Variants in ZNF721 observed in about 807,000 individuals in gnomAD.
The protein encoded by ZNF721 is zinc finger protein 721.
In ZNF721, 2 loss-of-function variants were observed where a neutral mutation model predicts 2.4. The observed-to-expected ratio is 0.82, with a 90% CI of 0.34 to 2.58. The LOEUF (loss-of-function observed/expected upper bound fraction) is 2.58, where lower values mean the gene tolerates loss of function less well. Ranked by LOEUF, ZNF721 falls within the 30% of genes most tolerant of loss-of-function variation. The pLI is 0.11. For synonymous variants in ZNF721, 398 were observed against 381.8 expected (o/e 1.04, Z -0.50); for missense variants, 1,187 against 1,085.5 (o/e 1.09, Z -1.31).
Position 494,331 on chromosome 4 carries a change from G to A in ZNF721, c.-94+4725C>T, listed in dbSNP as rs181019290. ...CGAGTAGCTGGGACTACAGGCGCCC[G>A]CCACCATGCCCATCTAATTTTTTTT... is the stretch of plus-strand genomic sequence containing the variant. On this transcript the variant is annotated intron_variant, in intron 1 of 2. Transcript: ENST00000511833. 7.3e-5 allele frequency among the ~76,000 whole-genome samples: 11 copies of A among 151,190 alleles called. No homozygotes were observed. In the East Asian group the frequency reaches 1.4e-3, roughly 19 times the overall value.
chr4:458,250 T>C (rs7665576), intron 2 of ZNF721, among the ~76,000 whole-genome samples: 26,859 of 152,188 alleles, frequency 0.18, 2,979 homozygotes, highest in Non-Finnish European at 0.23. Flanking sequence ...AGAAAATAGA[T>C]AGAATCCACA....
rs782103258 is a variant in ZNF721, at chr4:442,320, C to T, written c.2147G>A (p.Arg716Lys). 5.6e-6 allele frequency: 9 copies of T among 1,613,558 alleles called. No individual in the cohort carries two copies. Among genetic ancestry groups the T allele is most frequent in the Non-Finnish European group, 6.8e-6 (8 of 1,179,760 alleles). Reference protein sequence around the residue: ...FSRSRNLTTHRRVHTREKPYK... With the variant: ...FSRSRNLTTHKRVHTREKPYK... Reference sequence around the variant, plus strand: ...GGGTTTCTCCCTAGTGTGAACTCTCCTATGTGTAGTAAGGTTTCTTGACCT... The same window carrying T: ...GGGTTTCTCCCTAGTGTGAACTCTCTTATGTGTAGTAAGGTTTCTTGACCT... Residue 716 changes from arginine to lysine, a missense_variant, in exon 3 of 3, where the codon AGG becomes AAG. Transcript: ENST00000511833.
chr4:442,845 G>C lies in ZNF721; in HGVS notation c.1622C>G (p.Ser541Cys). ...CEVCGKAFRQSAILYVHRRIH... is the reference protein window; with the variant it reads ...CEVCGKAFRQCAILYVHRRIH... ...TCTCCTATGTACATAAAGGATTGCG[G>C]ACTGTCTAAAGGCTTTGCCACATAC... The change falls in exon 3 of 3, where the codon TCC becomes TGC. Residue 541 changes from serine (S) to cysteine (C), a missense_variant. Ser to Cys is a moderately radical substitution (Grantham distance 112, BLOSUM62 -1). Transcript: ENST00000511833. 6.2e-7 allele frequency: 1 copy of C among 1,613,810 alleles called. No homozygotes were observed. The highest frequency in any genetic ancestry group is 8.5e-7 in the Non-Finnish European group (1 of 1,179,922).
chr4:491,971 T>G (rs180816068), intron 1 of ZNF721, among the ~76,000 whole-genome samples: 6,342 of 151,446 alleles, frequency 0.042, 179 homozygotes, highest in African/African-American at 0.083. Context: ...TGGCTAACAC[T>G]GTGAAACCCC....
chr4:488,266 C>A (rs1715944113), intron 1 of ZNF721, among the ~76,000 whole-genome samples: 1 of 152,194 alleles, frequency 6.6e-6, no homozygotes, highest in African/African-American at 2.4e-5. Flanking sequence ...CTGGACAACT[C>A]ACACTCACGG....
intron 1 of ZNF721, among the ~76,000 whole-genome samples, chr4:481,884 C>T (rs1553869568): frequency 6.6e-6 from 1 of 152,150 alleles, no homozygotes; most frequent in South Asian, 2.1e-4. Context: ...GTAGTAGACA[C>T]GCATACGCTG....
intron 2 of ZNF721, among the ~76,000 whole-genome samples, chr4:449,928 CACAT>C (rs1714595809): frequency 1.3e-5 from 2 of 152,142 alleles, no homozygotes; most frequent in Non-Finnish European, 2.9e-5. Flanking sequence ...GAAAAGGAAA[CACAT>C]ACAGTCGGTA....
At position 465,082 on chromosome 4, in the gene ZNF721, T is replaced by TA. The variant is rs112910440; in HGVS notation, c.34+7492dup. Among the ~76,000 whole-genome samples the TA allele has an allele frequency of 9.5e-3, 1,310 of 138,042 alleles. 7 individuals carry two copies. The highest frequency in any genetic ancestry group is 0.025 in the East Asian group (121 of 4,788). 90.6% of individuals were successfully genotyped at this position (138,042 alleles called of 152,430 possible). A position where few individuals can be genotyped will look rare whatever the true frequency, so the allele number is the denominator to read the frequency against. ...CCTGGGTGATAGAGCAAGATTCCATTAAAAAAAAAAAAAACAGCAGCTGGG... is the reference window on the plus strand; with the variant it reads ...CCTGGGTGATAGAGCAAGATTCCATTAAAAAAAAAAAAAAACAGCAGCTGGG... On this transcript the variant is annotated intron_variant, in intron 2 of 2. Coordinates refer to ENST00000511833, the MANE Select transcript of ZNF721 (RefSeq NM_133474.4).
rs1330096741 is a variant in ZNF721 at position 487,016 on chromosome 4, G to A, written c.-94+12040C>T. On this transcript the variant is annotated intron_variant, in intron 1 of 2. Coordinates refer to ENST00000511833, the MANE Select transcript of ZNF721 (RefSeq NM_133474.4). ...TCTATGGAGGTGCATGGGCTTCAGA[G>A]TCAGGCCAACGTTGATCCTGAGTCC... 6.6e-4 allele frequency among the ~76,000 whole-genome samples: 98 copies of A among 149,054 alleles called. 1 individual carries two copies. Among genetic ancestry groups the A allele is most frequent in the Non-Finnish European group, 2.1e-4 (14 of 67,026 alleles).
Position 442,823 on chromosome 4 carries a change from C to G in ZNF721, c.1644G>C (p.Arg548Ser), listed in dbSNP as rs372077269. 3.5e-5 allele frequency: 57 copies of G among 1,613,738 alleles called. 1 individual carries two copies. The Middle Eastern group carries it at 6.6e-4, about 19-fold the overall frequency. Residue 548 changes from arginine to serine, a missense_variant, in exon 3 of 3, where the codon AGG becomes AGC. Physicochemically the swap from Arg to Ser is moderately radical, Grantham distance 110. Coordinates refer to ENST00000511833, the MANE Select transcript of ZNF721 (RefSeq NM_133474.4). ...FRQSAILYVH[R>S]RIHTGEKPYT... ...AGGGTTTCTCTCCAGTATGAATTCT[C>G]CTATGTACATAAAGGATTGCGGACT...
At chr4:450,382 C>T (rs954671453) in intron 2 of ZNF721, among the ~76,000 whole-genome samples, 3 of 152,178 alleles carry the variant, frequency 2.0e-5, no homozygotes, top group South Asian at 2.1e-4. Flanking sequence ...CACAAATGAA[C>T]GTGGAGGCCA....
intron 2 of ZNF721, among the ~76,000 whole-genome samples, chr4:446,055 A>G (rs1340944874): frequency 1.3e-5 from 2 of 152,216 alleles, no homozygotes; most frequent in African/African-American, 4.8e-5. Flanking sequence ...AGATAAGCAC[A>G]TGCTGAAAAA....
rs561152957 is a variant in ZNF721 at position 459,830 on chromosome 4, C to CA, written c.34+12744dup. On this transcript the variant is annotated intron_variant, in intron 2 of 2. Coordinates refer to ENST00000511833, the MANE Select transcript of ZNF721 (RefSeq NM_133474.4). Reference sequence around the variant, plus strand: ...TGGGCAAGAGAGCAAGACTCCGTCTCAAAAAAAAAAGGTGGGGGAGGGGGC... The same window carrying CA: ...TGGGCAAGAGAGCAAGACTCCGTCTCAAAAAAAAAAAGGTGGGGGAGGGGGC... Among the ~76,000 whole-genome samples, 786 of 121,012 alleles carry CA rather than the reference C, an allele frequency of 6.5e-3. 3 individuals are homozygous for CA. The highest frequency in any genetic ancestry group is 0.019 in the South Asian group (69 of 3,592). The allele number at this position is 121,012 out of a possible 152,430, so 79.4% of individuals were successfully genotyped here. A position where few individuals can be genotyped will look rare whatever the true frequency, so the allele number is the denominator to read the frequency against.
intron 2 of ZNF721, chr4:454,058 C>T (rs10434478): frequency 0.14 from 20,533 of 151,254 alleles, 2,082 homozygotes; most frequent in African/African-American, 0.29. Context: ...AACACATACT[C>T]CAAATCAACA....
intron 2 of ZNF721, among the ~76,000 whole-genome samples, chr4:452,064 C>A (rs540235475): frequency 2.6e-5 from 4 of 152,170 alleles, no homozygotes; most frequent in Non-Finnish European, 4.4e-5. Context: ...CTGGTTGCTA[C>A]ACGAGAAATG....
intron 2 of ZNF721, among the ~76,000 whole-genome samples, chr4:468,964 G>A (rs1383671864): frequency 2.0e-5 from 3 of 151,976 alleles, no homozygotes; most frequent in Non-Finnish European, 4.4e-5. Flanking sequence ...TGCAAAAGAA[G>A]AAAAAATGTT....
chr4:479,819 A>G (rs1214549034), intron 1 of ZNF721, among the ~76,000 whole-genome samples: 1 of 152,182 alleles, frequency 6.6e-6, no homozygotes, highest in East Asian at 1.9e-4. Flanking sequence ...TCTCTGAGGC[A>G]CCTTTTTCAA....
In ZNF721 at chr4:441,459, G is replaced by T; in HGVS notation, c.*236C>A. The T allele has an allele frequency of 2.6e-6, 1 of 380,194 alleles. No individual in the cohort carries two copies. 23.6% of individuals were successfully genotyped at this position (380,194 alleles called of 1,614,324 possible). ...TTGCCACATTTTTAATTTTAATTTG[G>T]CTTCTCATCAATATAATTACTCTTA... On this transcript the variant is annotated 3_prime_UTR_variant, in exon 3 of 3. Coordinates refer to ENST00000511833, the MANE Select transcript of ZNF721 (RefSeq NM_133474.4).
intron 2 of ZNF721, among the ~76,000 whole-genome samples, chr4:451,058 TACA>T (rs1714645714): frequency 6.7e-6 from 1 of 148,194 alleles, no homozygotes; most frequent in East Asian, 2.0e-4. Flanking sequence ...CATTATTATT[TACA>T]AAAGACAATT....
Sources: gnomAD v4.1 joint callset for allele counts (sites outside exome capture counted in the v4.1 genomes callset) on GRCh38, gnomAD v4.1.1 for gene constraint, MANE v1.5 for transcripts, NCBI Gene and HGNC (gene_info 2026-07-23, HGNC 2026-07-21) for gene names.